The following CAMK1D variants were observed in gnomAD, a reference collection of about 807,000 sequenced individuals.
CAMK1D encodes the protein calcium/calmodulin-dependent protein kinase type 1D.
In CAMK1D, 9 loss-of-function variants were observed where a neutral mutation model predicts 47.7. That is an observed-to-expected ratio of 0.19 (90% CI 0.11 to 0.33). CAMK1D has a LOEUF of 0.33. CAMK1D is among the 10% of genes least tolerant of loss of function. The pLI is 1.00. For missense variants in CAMK1D, 291 were observed against 488.7 expected, an observed-to-expected ratio of 0.60 and a Z score of 3.81; for synonymous variants, 184 against 184.9, an observed-to-expected ratio of 0.99 and a Z score of 0.04.
At chr10:12,672,526 GCC>G (rs1456833591) in intron 3 of CAMK1D, among the ~76,000 whole-genome samples, 3 of 151,510 alleles carry the variant, frequency 2.0e-5, no homozygotes, top group Non-Finnish European at 4.4e-5. Context: ...GCACCACCAC[GCC>G]TAGATAATTT....
intron 3 of CAMK1D, among the ~76,000 whole-genome samples, chr10:12,711,839 T>A (rs1441346164): frequency 6.6e-6 from 1 of 152,212 alleles, no homozygotes; most frequent in Non-Finnish European, 1.5e-5. Context: ...GATCAAACGT[T>A]CGTTTTTCAA....
chr10:12,638,332 T>G lies in CAMK1D; in HGVS notation c.225-28404T>G, dbSNP rs1388101529. 7.2e-5 allele frequency among the ~76,000 whole-genome samples: 11 copies of G among 152,122 alleles called. 1 individual carries two copies. The highest frequency in any genetic ancestry group is 2.4e-5 in the African/African-American group (1 of 41,418). On this transcript the variant is annotated intron_variant, in intron 2 of 10. Transcript: ENST00000619168. The stretch of plus-strand genomic sequence containing the variant: ...GCTTGCTATTCACGCTAGCTGTTCT[T>G]TACTGTATCCCTCCACATCTACCCA...
chr10:12,771,956 C>T (rs1837059053), intron 5 of CAMK1D, among the ~76,000 whole-genome samples: 1 of 151,982 alleles, frequency 6.6e-6, no homozygotes, highest in Admixed American at 6.6e-5. Context: ...ATCGCTTGAA[C>T]CTGGGGGGCG....
At chr10:12,450,771 ACT>A (rs1833060676) in intron 1 of CAMK1D, among the ~76,000 whole-genome samples, 2 of 151,548 alleles carry the variant, frequency 1.3e-5, no homozygotes, top group African/African-American at 2.4e-5. Flanking sequence ...GTTATTTGAG[ACT>A]CTGGTGTTTT....
chr10:12,369,221 C>T (rs148556474), intron 1 of CAMK1D, among the ~76,000 whole-genome samples: 170 of 152,120 alleles, frequency 1.1e-3, no homozygotes, highest in African/African-American at 4.0e-3. Context: ...ATATGAGAGA[C>T]GAGAAACTCA....
chr10:12,491,873 A>G (rs992207305), intron 1 of CAMK1D, among the ~76,000 whole-genome samples: 1 of 152,028 alleles, frequency 6.6e-6, no homozygotes, highest in South Asian at 2.1e-4. Context: ...TGCAGCCTCC[A>G]TCTCCCGGGT....
At chr10:12,401,136 A>T (rs1230030912) in intron 1 of CAMK1D, among the ~76,000 whole-genome samples, 7 of 67,888 alleles carry the variant, frequency 1.0e-4, no homozygotes, top group African/African-American at 5.0e-4. Flanking sequence ...TATTATATAT[A>T]TTATATATAT....
At chr10:12,621,444 T>G (rs1838993393) in intron 2 of CAMK1D, among the ~76,000 whole-genome samples, 1 of 152,254 alleles carries the variant, frequency 6.6e-6, no homozygotes, top group Admixed American at 6.5e-5. Flanking sequence ...GCTTCTTTCA[T>G]CAGCATTATG....
chr10:12,433,411 T>G (rs1832544412), intron 1 of CAMK1D, among the ~76,000 whole-genome samples: 1 of 152,198 alleles, frequency 6.6e-6, no homozygotes, highest in Admixed American at 6.5e-5. Context: ...TTTGATTTTT[T>G]TTTTTAATAT....
At chr10:12,725,327 G>A (rs577552150) in intron 3 of CAMK1D, 3 of 155,830 alleles carry the variant, frequency 1.9e-5, no homozygotes, top group Admixed American at 6.5e-5. Flanking sequence ...GGCAAAAACC[G>A]CCATTACTTT....
intron 1 of CAMK1D, among the ~76,000 whole-genome samples, chr10:12,483,440 A>G (rs1049505880): frequency 3.9e-5 from 6 of 152,250 alleles, no homozygotes; most frequent in Admixed American, 2.0e-4. Flanking sequence ...GGCTCAAGCA[A>G]TCTGCCCGCC....
At chr10:12,823,898 C>T (rs1366186975) in intron 8 of CAMK1D, among the ~76,000 whole-genome samples, 1 of 151,838 alleles carries the variant, frequency 6.6e-6, no homozygotes, top group Non-Finnish European at 1.5e-5. Flanking sequence ...GCAGGCTCAG[C>T]TCTGCTGAGA....
intron 3 of CAMK1D, among the ~76,000 whole-genome samples, chr10:12,744,105 C>T (rs1588877192): frequency 2.0e-5 from 3 of 151,924 alleles, no homozygotes; most frequent in African/African-American, 7.2e-5. Context: ...TGTCTGGTTC[C>T]TTCCCTTAGC....
intron 1 of CAMK1D, among the ~76,000 whole-genome samples, chr10:12,486,128 C>T (rs145436401): frequency 2.0e-5 from 3 of 150,206 alleles, no homozygotes; most frequent in Non-Finnish European, 4.4e-5. Flanking sequence ...CGTACACATG[C>T]TATTAATTCT....
rs968925672 is a variant in CAMK1D, at chr10:12,386,170, G to A, written c.92+36260G>A. 2.6e-5 allele frequency among the ~76,000 whole-genome samples: 4 copies of A among 152,344 alleles called. No individual in the cohort carries two copies. In the East Asian group the frequency reaches 7.7e-4, roughly 29 times the overall value. On this transcript the variant is annotated intron_variant, in intron 1 of 10. Coordinates refer to ENST00000619168, the MANE Select transcript of CAMK1D (RefSeq NM_153498.4). ...AAGCTCAAATAGAGCCAAGCGTGAT[G>A]GCTCCTGTATGTAATTCCAGCACTT...
intron 1 of CAMK1D, among the ~76,000 whole-genome samples, chr10:12,461,636 C>T (rs905166098): frequency 1.7e-4 from 24 of 144,250 alleles, no homozygotes; most frequent in Non-Finnish European, 3.4e-4. Flanking sequence ...TTGCAGTGAG[C>T]TGAGATCATG....
At chr10:12,623,933 G>T (rs11818197) in intron 2 of CAMK1D, among the ~76,000 whole-genome samples, 4,952 of 152,078 alleles carry the variant, frequency 0.033, 207 homozygotes, top group African/African-American at 0.1. Context: ...ACAAAAATTA[G>T]CTAGGCATAG....
chr10:12,380,999 A>G (rs2131873210), intron 1 of CAMK1D, among the ~76,000 whole-genome samples: 1 of 152,372 alleles, frequency 6.6e-6, no homozygotes, highest in South Asian at 2.1e-4. Flanking sequence ...GATGAAATCA[A>G]TGAAAAGTAT....
intron 2 of CAMK1D, among the ~76,000 whole-genome samples, chr10:12,611,570 C>T (rs1475446395): frequency 7.0e-6 from 1 of 143,018 alleles, no homozygotes; most frequent in East Asian, 2.1e-4. Context: ...CCCCAGTTCC[C>T]TGAATGTTTC....
Sources: allele counts gnomAD v4.1 joint callset (sites outside exome capture counted in the v4.1 genomes callset), GRCh38; gene constraint gnomAD v4.1.1; transcripts MANE v1.5; gene names NCBI Gene and HGNC (gene_info 2026-07-23, HGNC 2026-07-21).